Variants in TNN observed in about 807,000 individuals in gnomAD.
TNN encodes the protein tenascin N.
TNN carries 122 observed loss-of-function variants against 134.4 expected under a neutral mutation model. The ratio of observed to expected loss-of-function variants is 0.91; its 90% confidence interval spans 0.78 to 1.06. The LOEUF is 1.06. Ranked by LOEUF, TNN falls within the 50% of genes least tolerant of loss-of-function variation. The pLI, the probability that TNN is intolerant of heterozygous loss-of-function variation, is 0.00. For missense variants in TNN, 1,739 were observed against 1,699.4 expected, an observed-to-expected ratio of 1.02 and a Z score of -0.41; for synonymous variants, 710 against 670.3, an observed-to-expected ratio of 1.06 and a Z score of -0.91.
intron 18 of TNN, among the ~76,000 whole-genome samples, chr1:175,145,272 G>T (rs1244909435): frequency 6.6e-6 from 1 of 151,920 alleles, no homozygotes; most frequent in East Asian, 1.9e-4. Flanking sequence ...ATTTCTTTAG[G>T]CTGAGCATGG....
chr1:175,120,429 G>T (rs541273796), intron 11 of TNN, among the ~76,000 whole-genome samples: 45 of 152,306 alleles, frequency 3.0e-4, no homozygotes, highest in African/African-American at 1.0e-3. Flanking sequence ...AGTTGCATCA[G>T]CAGGAATGGA....
intron 4 of TNN, among the ~76,000 whole-genome samples, chr1:175,082,037 G>A (rs757267173): frequency 2.6e-5 from 4 of 152,128 alleles, no homozygotes; most frequent in East Asian, 1.9e-4. Flanking sequence ...TGATCTATGC[G>A]GTCACAGAGT....
chr1:175,140,743 G>A (rs1424484692), intron 17 of TNN, among the ~76,000 whole-genome samples: 3 of 152,162 alleles, frequency 2.0e-5, no homozygotes, highest in African/African-American at 7.2e-5. Flanking sequence ...ACAGCATTTA[G>A]GCAGCGATCT....
intron 11 of TNN, among the ~76,000 whole-genome samples, chr1:175,119,630 TTTTTTTTC>T (rs1396161088): frequency 2.0e-5 from 2 of 102,076 alleles, no homozygotes; most frequent in Non-Finnish European, 3.8e-5. Flanking sequence ...CATGAATGCC[TTTTTTTTC>T]TTTTTTTTTT....
At position 175,144,480 on chromosome 1, in the gene TNN, G is replaced by A. The variant is rs752282631; in HGVS notation, c.3689G>A (p.Gly1230Asp). 2.0e-4 allele frequency: 325 copies of A among 1,614,114 alleles called. No homozygotes were observed. Among genetic ancestry groups the A allele is most frequent in the Non-Finnish European group, 2.3e-4 (267 of 1,180,054 alleles). The change falls in exon 18 of 19, where the codon GGT (glycine) becomes GAT (aspartate). Residue 1230 changes from glycine (G) to aspartate (D), a missense_variant. By Grantham distance (94) the Gly-to-Asp change is moderately conservative. Transcript: ENST00000239462. ...ALSNCALTHHGGWWYKNCHLA... is the reference protein window; with the variant it reads ...ALSNCALTHHDGWWYKNCHLA... The stretch of plus-strand genomic sequence containing the variant: ...AGCAACTGTGCCCTGACACATCATG[G>A]TGGCTGGTGGTATAAGAACTGCCAC...
chr1:175,082,780 C>T (rs1674228002), intron 4 of TNN, among the ~76,000 whole-genome samples: 1 of 152,072 alleles, frequency 6.6e-6, no homozygotes, highest in Non-Finnish European at 1.5e-5. Context: ...GGGGGCGTGA[C>T]TGATGAAGAG....
intron 9 of TNN, among the ~76,000 whole-genome samples, chr1:175,106,663 G>A (rs552246350): frequency 6.8e-6 from 1 of 146,578 alleles, no homozygotes; most frequent in South Asian, 2.3e-4. Context: ...AGGATAGATA[G>A]GATAGATAGG....
rs188272484 is a variant in TNN, at chr1:175,105,008, C to A, written c.2119+6413C>A. 1.7e-3 allele frequency among the ~76,000 whole-genome samples: 251 copies of A among 146,064 alleles called. 15 individuals carry two copies. Among genetic ancestry groups the A allele is most frequent in the African/African-American group, 5.5e-3 (224 of 40,642 alleles). ...GTCAAAGTCCCAGTGGGGATCCATA[C>A]TGGGGATGGCTTGCTGACCAGTAGG... On this transcript the variant is annotated intron_variant, in intron 9 of 18. Transcript: ENST00000239462.
intron 9 of TNN, among the ~76,000 whole-genome samples, chr1:175,113,916 C>G (rs1265705922): frequency 1.3e-5 from 2 of 152,028 alleles, no homozygotes; most frequent in Non-Finnish European, 2.9e-5. Context: ...TTTGTGATAT[C>G]TATCTCTTCA....
intron 9 of TNN, among the ~76,000 whole-genome samples, chr1:175,109,353 G>A (rs1486771513): frequency 6.6e-6 from 1 of 151,512 alleles, no homozygotes; most frequent in Non-Finnish European, 1.5e-5. Flanking sequence ...CTCCCAAAGT[G>A]CTGGGATTAC....
chr1:175,143,021 G>GC (rs1044478186), intron 17 of TNN, among the ~76,000 whole-genome samples: 1 of 152,102 alleles, frequency 6.6e-6, no homozygotes, highest in Non-Finnish European at 1.5e-5. Flanking sequence ...CGTGCAAGAA[G>GC]CCCCCCATTG....
chr1:175,073,537 C>T (rs147530388), intron 1 of TNN, among the ~76,000 whole-genome samples: 6 of 152,302 alleles, frequency 3.9e-5, no homozygotes, highest in African/African-American at 1.4e-4. Flanking sequence ...GTCTCTCATC[C>T]AGGCCACATC....
chr1:175,132,431 A>ATGAGTGAAGAAAAG (rs1675699610), intron 15 of TNN, among the ~76,000 whole-genome samples: 1 of 152,216 alleles, frequency 6.6e-6, no homozygotes, highest in Non-Finnish European at 1.5e-5. Flanking sequence ...AAGTGAATAA[A>ATGAGTGAAGAAAAG]TGAGTGAAGA....
rs368114903 is a variant in TNN at position 175,118,851 on chromosome 1, C to T, written c.2650+27C>T. On this transcript the variant is annotated intron_variant, in intron 11 of 18. Transcript: ENST00000239462. ...TAATAGAAGTGAAGAGAAGAGCAAA[C>T]CCGGGTAGTAGCTGCAGGTTGATCT... The T allele has an allele frequency of 9.9e-6, 16 of 1,612,244 alleles. No individual in the cohort carries two copies. In the African/African-American group the frequency reaches 1.1e-4, roughly 11 times the overall value.
intron 9 of TNN, among the ~76,000 whole-genome samples, chr1:175,111,023 G>GA (rs749532806): frequency 0.011 from 1,469 of 134,304 alleles, 26 homozygotes; most frequent in African/African-American, 0.035. Context: ...AAAAATACAA[G>GA]AAAAAAAAAA....
At chr1:175,073,202 C>T (rs535845734) in intron 1 of TNN, among the ~76,000 whole-genome samples, 52 of 152,254 alleles carry the variant, frequency 3.4e-4, no homozygotes, top group Non-Finnish European at 6.3e-4. Context: ...TTGCTGGACA[C>T]TGTGCATCTG....
intron 9 of TNN, among the ~76,000 whole-genome samples, chr1:175,106,683 C>T (rs1400556209): frequency 2.1e-5 from 3 of 146,270 alleles, no homozygotes; most frequent in Non-Finnish European, 4.6e-5. Context: ...GCGAGTGTCG[C>T]TTGGGCGACA....
intron 1 of TNN, among the ~76,000 whole-genome samples, chr1:175,072,926 CTTTTTTTTT>C (rs60879960): frequency 2.1e-5 from 1 of 46,762 alleles, no homozygotes; most frequent in African/African-American, 9.8e-5. Context: ...GAGTCCACGG[CTTTTTTTTT>C]TTTTTTTTTT....
chr1:175,100,118 T>G (rs1229535926), intron 9 of TNN, among the ~76,000 whole-genome samples: 1 of 152,218 alleles, frequency 6.6e-6, no homozygotes. Flanking sequence ...TTCTTATCTC[T>G]TAGATATTTT....
Sources: gnomAD v4.1 joint callset for allele counts (sites outside exome capture counted in the v4.1 genomes callset) on GRCh38, gnomAD v4.1.1 for gene constraint, MANE v1.5 for transcripts, NCBI Gene and HGNC (gene_info 2026-07-23, HGNC 2026-07-21) for gene names.